The following POTEF variants were observed in gnomAD, a reference collection of about 807,000 sequenced individuals.
POTEF encodes the protein POTE ankyrin domain family member F.
In POTEF, 20 loss-of-function variants were observed where a neutral mutation model predicts 83.2. The observed-to-expected ratio is 0.24, with a 90% CI of 0.17 to 0.35. POTEF has a LOEUF of 0.35. Among genes scored for constraint, POTEF ranks in the 10% least tolerant of loss-of-function variants. POTEF has a pLI of 1.00. For missense variants in POTEF, 550 were observed against 1,203.2 expected (o/e 0.46, Z 8.03); for synonymous variants, 196 against 446.4 (o/e 0.44, Z 7.07).
At chr2:130,126,384 T>C (rs1193625166) in intron 2 of POTEF, among the ~76,000 whole-genome samples, 2 of 151,188 alleles carry the variant, frequency 1.3e-5, no homozygotes, top group African/African-American at 4.9e-5. Context: ...CACTTAATAA[T>C]CTCATAAATT....
chr2:130,075,935 T>C (rs1157824709), intron 16 of POTEF, among the ~76,000 whole-genome samples: 4 of 149,806 alleles, frequency 2.7e-5, no homozygotes, highest in Non-Finnish European at 4.4e-5. Context: ...AATATAAGAT[T>C]AATAATTTGA....
chr2:130,115,935 T>C (rs1684832942), intron 3 of POTEF, among the ~76,000 whole-genome samples: 1 of 152,054 alleles, frequency 6.6e-6, no homozygotes, highest in African/African-American at 2.4e-5. Context: ...TGATTTACTA[T>C]AATTGGCGGC....
intron 3 of POTEF, among the ~76,000 whole-genome samples, chr2:130,117,530 C>T (rs1684873094): frequency 6.6e-6 from 1 of 152,034 alleles, no homozygotes; most frequent in South Asian, 2.1e-4. Flanking sequence ...TCAGCTAACA[C>T]GAGCAGATTC....
Position 130,079,301 on chromosome 2 carries a change from C to T in POTEF, c.1779-2100G>A, listed in dbSNP as rs368979404. Among the ~76,000 whole-genome samples the T allele has an allele frequency of 7.3e-3, 962 of 132,408 alleles. 3 individuals are homozygous for T. The highest frequency in any genetic ancestry group is 0.026 in the African/African-American group (769 of 29,922). The allele number at this position is 132,408 out of a possible 152,430, so 86.9% of individuals were successfully genotyped here. A position where few individuals can be genotyped will look rare whatever the true frequency, so the allele number is the denominator to read the frequency against. On this transcript the variant is annotated intron_variant, in intron 15 of 16. Coordinates refer to ENST00000409914, the MANE Select transcript of POTEF (RefSeq NM_001099771.2). Reference sequence around the variant, plus strand: ...AACGGTAAACAAGCATATAAAAACACGCTAAATATCTCTAATCATCAGGGA... The same window carrying T: ...AACGGTAAACAAGCATATAAAAACATGCTAAATATCTCTAATCATCAGGGA...
chr2:130,120,330 G>A lies in POTEF; in HGVS notation c.186C>T (p.Gly62=). 1 of 1,608,452 alleles carries A rather than the reference G, an allele frequency of 6.2e-7. No individual in the cohort carries two copies. The highest frequency in any genetic ancestry group is 1.1e-5 in the South Asian group (1 of 90,934). The change falls in exon 3 of 17, where the codon GGC becomes GGT. Residue 62 remains glycine (G), a synonymous_variant. Transcript: ENST00000409914. ...AGGGGAAGCAGTGGCGGCACCACTT[G>A]CCCATCTTGCTCCTGAGTGTCTTCA... is the stretch of plus-strand genomic sequence containing the variant. ...SAMKTLRSKM[G]KWCRHCFPCC...
chr2:130,122,269 T>C (rs1487316690), intron 2 of POTEF, among the ~76,000 whole-genome samples: 9 of 151,186 alleles, frequency 6.0e-5, no homozygotes, highest in Admixed American at 6.6e-5. Flanking sequence ...CTATAAATAC[T>C]TTTATGTGTA....
In POTEF at chr2:130,103,153, T is replaced by C. The variant is rs986441976; in HGVS notation, c.1127-973A>G. Among the ~76,000 whole-genome samples the C allele has an allele frequency of 3.4e-3, 500 of 146,408 alleles. 16 individuals carry two copies. Among genetic ancestry groups the C allele is most frequent in the African/African-American group, 0.011 (407 of 37,860 alleles). ...GTCTTGCTCTGTCACCAGGCTGGAG[T>C]GCAGTGGCGCAATCTCAGCTCACTG... On this transcript the variant is annotated intron_variant, in intron 8 of 16. Coordinates refer to ENST00000409914, the MANE Select transcript of POTEF (RefSeq NM_001099771.2).
chr2:130,083,395 C>T (rs866532700), intron 15 of POTEF, among the ~76,000 whole-genome samples: 4 of 150,752 alleles, frequency 2.7e-5, no homozygotes, highest in African/African-American at 9.8e-5. Context: ...CAACAATGTC[C>T]AAAAGGAGAA....
chr2:130,128,584 AC>A (rs1159196602), intron 1 of POTEF, among the ~76,000 whole-genome samples: 4 of 123,516 alleles, frequency 3.2e-5, no homozygotes, highest in African/African-American at 1.2e-4. Flanking sequence ...GCAGTGTAGC[AC>A]CCGATAGTGC....
rs1310219526 is a variant in POTEF at position 130,120,046 on chromosome 2, A to G, written c.470T>C (p.Leu157Pro). Residue 157 changes from leucine (L) to proline (P), a missense_variant, in exon 3 of 17, where the codon CTC becomes CCC. By Grantham distance (98) the Leu-to-Pro change is moderately conservative (BLOSUM62 -3). Transcript: ENST00000409914. ...AWWGKVPRKD[L>P]IVMLRDTDVN... ...GTCAGTGTCCCTGAGCATGACGATGAGATCCTTTCTGGGGACTTTACCCCA... is the reference window on the plus strand; with the variant it reads ...GTCAGTGTCCCTGAGCATGACGATGGGATCCTTTCTGGGGACTTTACCCCA... The G allele has an allele frequency of 1.3e-5, 21 of 1,558,120 alleles. No individual in the cohort carries two copies. Among genetic ancestry groups the G allele is most frequent in the Non-Finnish European group, 1.8e-5 (21 of 1,149,718 alleles).
intron 3 of POTEF, among the ~76,000 whole-genome samples, chr2:130,117,401 T>C (rs1684870812): frequency 6.6e-6 from 1 of 151,834 alleles, no homozygotes; most frequent in Non-Finnish European, 1.5e-5. Flanking sequence ...ATTATTGCAT[T>C]ACTAATGAAC....
chr2:130,126,320 A>AAAG (rs1685091597), intron 2 of POTEF, among the ~76,000 whole-genome samples: 2 of 151,690 alleles, frequency 1.3e-5, no homozygotes, highest in African/African-American at 4.9e-5. Context: ...AAAAAAAAAA[A>AAAG]AAAAGAAAGA....
At chr2:130,083,314 G>A (rs1232366260) in intron 15 of POTEF, among the ~76,000 whole-genome samples, 12 of 152,118 alleles carry the variant, frequency 7.9e-5, no homozygotes, top group Admixed American at 7.9e-4. Context: ...CAGCCTGGGG[G>A]ACAAAGTGAG....
rs1392565667 is a variant in POTEF at position 130,075,012 on chromosome 2, G to C, written c.2460C>G (p.Thr820=). The change falls in exon 17 of 17, where the codon ACC becomes ACG. Residue 820 remains threonine, a synonymous_variant. Coordinates refer to ENST00000409914, the MANE Select transcript of POTEF (RefSeq NM_001099771.2). ...TGTTGAAGGTCTCAAACATGATCTG[G>C]GTCATCTTCTCGCGGTTGGCCTTAG... is the stretch of plus-strand genomic sequence containing the variant. ...LNPKANREKM[T]QIMFETFNTP... 1 of 1,613,456 alleles carries C rather than the reference G, an allele frequency of 6.2e-7. No homozygotes were observed.
intron 6 of POTEF, among the ~76,000 whole-genome samples, chr2:130,111,051 A>G (rs1256108850): frequency 7.4e-6 from 1 of 135,856 alleles, no homozygotes; most frequent in Non-Finnish European, 1.5e-5. Flanking sequence ...GGTAAGAGAA[A>G]TAAGAGCTCT....
intron 8 of POTEF, among the ~76,000 whole-genome samples, chr2:130,106,831 G>A (rs978238704): frequency 1.4e-5 from 2 of 144,140 alleles, no homozygotes; most frequent in Non-Finnish European, 3.0e-5. Flanking sequence ...CTATCTAAAA[G>A]ACATTTGATA....
At chr2:130,100,752 T>C (rs1684346989) in intron 9 of POTEF, 32 bp from the exon 10 acceptor site, 1 of 1,606,780 alleles carries the variant, frequency 6.2e-7, no homozygotes, top group Non-Finnish European at 8.5e-7. Context: ...GTTAATTTGC[T>C]TGTTGTGTTT....
intron 3 of POTEF, among the ~76,000 whole-genome samples, chr2:130,116,595 C>T (rs1393630554): frequency 9.5e-6 from 1 of 104,886 alleles, no homozygotes; most frequent in Non-Finnish European, 1.9e-5. Flanking sequence ...TAAGTAAGAA[C>T]ATGCAATATT....
chr2:130,083,372 G>C (rs1428876213), intron 15 of POTEF, among the ~76,000 whole-genome samples: 1 of 152,046 alleles, frequency 6.6e-6, no homozygotes, highest in Non-Finnish European at 1.5e-5. Context: ...ATTGAGGACT[G>C]AGCCATGAGA....
Sources: allele counts gnomAD v4.1 joint callset (sites outside exome capture counted in the v4.1 genomes callset), GRCh38; gene constraint gnomAD v4.1.1; transcripts MANE v1.5; gene names NCBI Gene and HGNC (gene_info 2026-07-23, HGNC 2026-07-21).